RAD51B: variants seen among roughly 807,000 people sequenced by gnomAD.
RAD51B encodes the protein RAD51 paralog B, also known as DNA repair protein RAD51 homolog 2.
Under a neutral mutation model 42.2 loss-of-function variants are expected in RAD51B, and 38 were observed. The observed-to-expected ratio is 0.90, with a 90% CI of 0.70 to 1.18. The LOEUF (loss-of-function observed/expected upper bound fraction) is 1.18, where lower values mean the gene tolerates loss of function less well. Among genes scored for constraint, RAD51B ranks in the 50% most tolerant of loss-of-function variants. The pLI is 0.00. For synonymous variants in RAD51B, 154 were observed against 145.2 expected (o/e 1.06, Z -0.43); for missense variants, 373 against 400.7 (o/e 0.93, Z 0.59).
At chr14:68,120,982 T>G (rs1355729755) in intron 7 of RAD51B, among the ~76,000 whole-genome samples, 1 of 152,204 alleles carries the variant, frequency 6.6e-6, no homozygotes, top group Non-Finnish European at 1.5e-5. Flanking sequence ...TTCTGTCATA[T>G]TGCTAGGAGT....
chr14:68,102,796 T>C (rs1447035225), intron 7 of RAD51B, among the ~76,000 whole-genome samples: 1 of 152,138 alleles, frequency 6.6e-6, no homozygotes, highest in East Asian at 1.9e-4. Context: ...ACTCTACTGG[T>C]ACCAGTTTAC....
chr14:68,332,688 GC>G (rs1298054120), intron 8 of RAD51B, among the ~76,000 whole-genome samples: 1 of 152,030 alleles, frequency 6.6e-6, no homozygotes, highest in Non-Finnish European at 1.5e-5. Context: ...TAGCCATAGG[GC>G]AAAAAAACCA....
intron 9 of RAD51B, among the ~76,000 whole-genome samples, chr14:68,418,048 G>A (rs145965347): frequency 7.2e-5 from 11 of 152,190 alleles, no homozygotes; most frequent in African/African-American, 2.2e-4. Context: ...AACAAAACAC[G>A]GGTGAGAGAA....
chr14:68,293,239 T>C, intron 8 of RAD51B, among the ~76,000 whole-genome samples: 1 of 152,274 alleles, frequency 6.6e-6, no homozygotes, highest in East Asian at 1.9e-4. Context: ...TGTTTCTTTT[T>C]TGTTGTTTGT....
chr14:68,003,014 CT>C (rs1566570651), intron 7 of RAD51B, among the ~76,000 whole-genome samples: 1 of 152,210 alleles, frequency 6.6e-6, no homozygotes, highest in Admixed American at 6.5e-5. Flanking sequence ...TATTCAGGCT[CT>C]TTTTTGGTTC....
At chr14:68,476,977 A>G (rs1413076494) in intron 10 of RAD51B, among the ~76,000 whole-genome samples, 3 of 152,116 alleles carry the variant, frequency 2.0e-5, no homozygotes, top group Admixed American at 6.5e-5. Context: ...CAGAGAGCCC[A>G]GGTTCTTTTG....
chr14:68,162,117 A>G (rs989412678), intron 7 of RAD51B, among the ~76,000 whole-genome samples: 4 of 152,212 alleles, frequency 2.6e-5, no homozygotes, highest in Non-Finnish European at 5.9e-5. Flanking sequence ...CAGTTTTGAG[A>G]GAAATAAGTA....
At chr14:67,905,028 G>A (rs1046687411) in intron 7 of RAD51B, among the ~76,000 whole-genome samples, 36 of 151,118 alleles carry the variant, frequency 2.4e-4, no homozygotes, top group Admixed American at 7.9e-4. Flanking sequence ...TTCTTCTATG[G>A]TTTTTGTAGT....
intron 8 of RAD51B, among the ~76,000 whole-genome samples, chr14:68,361,618 GT>G (rs561540900): frequency 2.0e-3 from 306 of 152,172 alleles, no homozygotes; most frequent in African/African-American, 7.1e-3. Flanking sequence ...GAGTCTCCTG[GT>G]GCTTGTTTCA....
intron 7 of RAD51B, among the ~76,000 whole-genome samples, chr14:67,889,002 G>A (rs569805756): frequency 6.6e-6 from 1 of 152,246 alleles, no homozygotes; most frequent in Non-Finnish European, 1.5e-5. Flanking sequence ...GTAGGCTAAT[G>A]CTTTTCAGTT....
At chr14:68,018,291 C>T (rs2075809570) in intron 7 of RAD51B, among the ~76,000 whole-genome samples, 1 of 152,272 alleles carries the variant, frequency 6.6e-6, no homozygotes, top group African/African-American at 2.4e-5. Flanking sequence ...CTTCAATAGA[C>T]AATTTAGACA....
chr14:67,997,899 G>C (rs1186921267), intron 7 of RAD51B, among the ~76,000 whole-genome samples: 1 of 152,108 alleles, frequency 6.6e-6, no homozygotes, highest in African/African-American at 2.4e-5. Flanking sequence ...ATAGTAATAT[G>C]GAAATTGTGA....
At chr14:68,005,261 T>C (rs770608929) in intron 7 of RAD51B, among the ~76,000 whole-genome samples, 16 of 151,790 alleles carry the variant, frequency 1.1e-4, no homozygotes, top group Non-Finnish European at 2.2e-4. Flanking sequence ...ACCATGTTAG[T>C]CAGGCTGATC....
intron 5 of RAD51B, among the ~76,000 whole-genome samples, chr14:67,885,073 G>A (rs1221754696): frequency 6.6e-6 from 1 of 152,036 alleles, no homozygotes; most frequent in Non-Finnish European, 1.5e-5. Flanking sequence ...TAAGTACTAG[G>A]GCTGATAAAA....
At chr14:68,573,665 G>A (rs1222535244) in intron 10 of RAD51B, among the ~76,000 whole-genome samples, 3 of 152,208 alleles carry the variant, frequency 2.0e-5, no homozygotes, top group Non-Finnish European at 2.9e-5. Flanking sequence ...CCACTGCTAC[G>A]TATCCAGCAC....
intron 10 of RAD51B, among the ~76,000 whole-genome samples, chr14:68,527,867 T>C (rs2140342616): frequency 6.6e-6 from 1 of 152,398 alleles, no homozygotes; most frequent in Admixed American, 6.5e-5. Flanking sequence ...GGAAGTTTAC[T>C]AAATATTAAC....
intron 10 of RAD51B, among the ~76,000 whole-genome samples, chr14:68,593,228 C>A (rs1890836320): frequency 6.6e-6 from 1 of 152,222 alleles, no homozygotes; most frequent in Non-Finnish European, 1.5e-5. Context: ...AGTTAATGAA[C>A]CTCTCTGGGT....
At chr14:68,485,239 T>C (rs1883531554) in intron 10 of RAD51B, among the ~76,000 whole-genome samples, 1 of 152,192 alleles carries the variant, frequency 6.6e-6, no homozygotes, top group Admixed American at 6.5e-5. Context: ...ACTGTAGACC[T>C]GGTCCCCTTA....
intron 7 of RAD51B, among the ~76,000 whole-genome samples, chr14:68,212,065 T>C (rs1489018837): frequency 2.6e-5 from 4 of 152,224 alleles, no homozygotes; most frequent in Non-Finnish European, 5.9e-5. Flanking sequence ...CACCAGTTTG[T>C]TGTGAACTTC....
Sources: allele counts gnomAD v4.1 joint callset (sites outside exome capture counted in the v4.1 genomes callset), GRCh38; gene constraint gnomAD v4.1.1; transcripts MANE v1.5; gene names NCBI Gene and HGNC (gene_info 2026-07-23, HGNC 2026-07-21).